Variants in XNDC1N observed in about 807,000 individuals in gnomAD.
XNDC1N encodes protein XNDC1N.
At chr11:71,901,336 C>T in the XNDC1N span, among the ~76,000 whole-genome samples, 10 of 152,108 alleles carry the variant, frequency 6.6e-5, 1 homozygote, top group East Asian at 1.9e-4. Context: ...CCGTGGCTCA[C>T]GCCTGTAATC....
chr11:71,907,630 A>G, the XNDC1N span, among the ~76,000 whole-genome samples: 3 of 152,022 alleles, frequency 2.0e-5, no homozygotes, highest in Admixed American at 2.0e-4. Flanking sequence ...GAATATTAGG[A>G]ACAGTATCAC....
At chr11:71,911,266 C>A in the XNDC1N span, among the ~76,000 whole-genome samples, 2 of 152,248 alleles carry the variant, frequency 1.3e-5, no homozygotes, top group Admixed American at 1.3e-4. Flanking sequence ...AAGTACCAGA[C>A]TTTGCTCTGT....
At chr11:71,896,795 C>T in the XNDC1N span, among the ~76,000 whole-genome samples, 1 of 152,246 alleles carries the variant, frequency 6.6e-6, no homozygotes, top group Non-Finnish European at 1.5e-5. Context: ...AACTCCTGAC[C>T]TCACGTGATC....
the XNDC1N span, among the ~76,000 whole-genome samples, chr11:71,881,661 A>G: frequency 6.6e-6 from 1 of 152,112 alleles, no homozygotes; most frequent in African/African-American, 2.4e-5. Flanking sequence ...TTCAAATATG[A>G]TTACATTCTG....
chr11:71,886,591 G>C, the XNDC1N span, among the ~76,000 whole-genome samples: 1 of 152,154 alleles, frequency 6.6e-6, no homozygotes, highest in Non-Finnish European at 1.5e-5. Flanking sequence ...GAGAGACTGT[G>C]GGAGGCCTAT....
the XNDC1N span, among the ~76,000 whole-genome samples, chr11:71,919,686 C>T: frequency 6.7e-6 from 1 of 149,670 alleles, no homozygotes; most frequent in Non-Finnish European, 1.5e-5. Flanking sequence ...GATGCTAGCT[C>T]GGCACACTGC....
the XNDC1N span, among the ~76,000 whole-genome samples, chr11:71,911,391 T>C: frequency 6.6e-6 from 1 of 152,338 alleles, no homozygotes; most frequent in African/African-American, 2.4e-5. Flanking sequence ...CAATTCACTC[T>C]AGCAGACCTG....
At chr11:71,887,933 G>A in the XNDC1N span, among the ~76,000 whole-genome samples, 1 of 143,698 alleles carries the variant, frequency 7.0e-6, no homozygotes, top group South Asian at 2.1e-4. Context: ...CTTTCAGTGG[G>A]AAGATCCGGA....
chr11:71,880,776 T>C, the XNDC1N span, among the ~76,000 whole-genome samples: 58 of 149,002 alleles, frequency 3.9e-4, no homozygotes, highest in South Asian at 8.7e-4. Flanking sequence ...ACTCAATGGT[T>C]GTTCAGAAGC....
At chr11:71,869,885 T>C in the XNDC1N span, among the ~76,000 whole-genome samples, 26 of 152,320 alleles carry the variant, frequency 1.7e-4, no homozygotes, top group Admixed American at 1.7e-3. Context: ...CTTTAATCTT[T>C]GGTGTCGCTG....
chr11:71,914,170 TA>T, the XNDC1N span, among the ~76,000 whole-genome samples: 1 of 152,184 alleles, frequency 6.6e-6, no homozygotes, highest in Non-Finnish European at 1.5e-5. Flanking sequence ...TGTAAGGCTA[TA>T]TTTGCCATAT....
At chr11:71,915,844 G>A in the XNDC1N span, among the ~76,000 whole-genome samples, 2 of 152,174 alleles carry the variant, frequency 1.3e-5, no homozygotes, top group Non-Finnish European at 2.9e-5. Context: ...AAAGCTTTGT[G>A]TATACTGTAT....
the XNDC1N span, among the ~76,000 whole-genome samples, chr11:71,908,216 G>T: frequency 1.1e-4 from 16 of 151,846 alleles, no homozygotes; most frequent in South Asian, 3.3e-3. Context: ...AGAAATAATT[G>T]CTAATAAAAA....
the XNDC1N span, among the ~76,000 whole-genome samples, chr11:71,897,127 T>C: frequency 6.6e-6 from 1 of 152,246 alleles, no homozygotes; most frequent in East Asian, 1.9e-4. Flanking sequence ...ATGACACGCC[T>C]AAAAGAAAAC....
chr11:71,888,149 C>T, the XNDC1N span, among the ~76,000 whole-genome samples: 8 of 152,120 alleles, frequency 5.3e-5, no homozygotes, highest in African/African-American at 1.4e-4. Flanking sequence ...TGCCCTACAC[C>T]GGCACCTGGA....
chr11:71,916,476 C>T, the XNDC1N span: 1 of 533,052 alleles, frequency 1.9e-6, no homozygotes, highest in Non-Finnish European at 3.4e-6. Context: ...GCCTTCTCAT[C>T]ACTCCTCTGT....
chr11:71,889,360 G>A, the XNDC1N span, among the ~76,000 whole-genome samples: 1 of 152,222 alleles, frequency 6.6e-6, no homozygotes, highest in Non-Finnish European at 1.5e-5. Context: ...ACCTGGCTGG[G>A]TTTGCGGAAT....
the XNDC1N span, among the ~76,000 whole-genome samples, chr11:71,877,018 C>T: frequency 3.3e-5 from 5 of 152,220 alleles, no homozygotes; most frequent in Admixed American, 3.3e-4. Flanking sequence ...TAGGAAAAAA[C>T]ATCTCCAGAG....
the XNDC1N span, chr11:71,893,261 A>T: frequency 1.2e-3 from 531 of 436,980 alleles, 2 homozygotes; most frequent in African/African-American, 9.8e-3. Flanking sequence ...AAGTAGTATG[A>T]ACAGAAAGCC....
Sources: allele counts gnomAD v4.1 joint callset (sites outside exome capture counted in the v4.1 genomes callset), GRCh38; gene constraint gnomAD v4.1.1; transcripts MANE v1.5; gene names NCBI Gene and HGNC (gene_info 2026-07-23, HGNC 2026-07-21).